The following SPOCK1 variants were observed in gnomAD, a reference collection of about 807,000 sequenced individuals.
The protein encoded by SPOCK1 is testican-1.
A neutral mutation model predicts 55.3 loss-of-function variants in SPOCK1; 23 were observed. That is an observed-to-expected ratio of 0.42 (90% CI 0.30 to 0.59). The LOEUF (loss-of-function observed/expected upper bound fraction) is 0.59. SPOCK1 is among the 20% of genes least tolerant of loss of function. SPOCK1 has a pLI of 0.22. For missense variants in SPOCK1, 499 were observed against 552.5 expected (o/e 0.90, Z 0.97); for synonymous variants, 226 against 221.0 (o/e 1.02, Z -0.20).
chr5:137,432,897 G>C (rs1370522451), intron 2 of SPOCK1, among the ~76,000 whole-genome samples: 5 of 151,964 alleles, frequency 3.3e-5, no homozygotes, highest in Non-Finnish European at 7.4e-5. Flanking sequence ...TACAACCCTG[G>C]GTCAAATGCT....
At chr5:136,983,044 G>A (rs557064090) in intron 9 of SPOCK1, among the ~76,000 whole-genome samples, 3 of 152,286 alleles carry the variant, frequency 2.0e-5, no homozygotes, top group Non-Finnish European at 2.9e-5. Flanking sequence ...TTTCTTGATA[G>A]TGTGCATCTT....
At chr5:136,983,222 C>G (rs1750767240) in intron 9 of SPOCK1, among the ~76,000 whole-genome samples, 1 of 152,126 alleles carries the variant, frequency 6.6e-6, no homozygotes. Context: ...TTTAGTGGAA[C>G]AATCCCAGAA....
chr5:137,472,530 TG>T (rs746441088), intron 2 of SPOCK1, among the ~76,000 whole-genome samples: 2 of 152,148 alleles, frequency 1.3e-5, no homozygotes, highest in Non-Finnish European at 2.9e-5. Flanking sequence ...GGGCAACCCA[TG>T]GAAGGGGAGT....
intron 3 of SPOCK1, among the ~76,000 whole-genome samples, chr5:137,179,106 CA>C (rs1157832790): frequency 6.6e-6 from 1 of 152,076 alleles, no homozygotes; most frequent in African/African-American, 2.4e-5. Flanking sequence ...CCTCCGACAT[CA>C]AAAACAAGTT....
intron 2 of SPOCK1, among the ~76,000 whole-genome samples, chr5:137,379,194 C>T (rs1185910706): frequency 6.6e-6 from 1 of 151,800 alleles, no homozygotes; most frequent in African/African-American, 2.4e-5. Context: ...CTGCCCCCAC[C>T]CCACAATCCC....
chr5:137,139,799 C>T (rs559713499), intron 4 of SPOCK1, among the ~76,000 whole-genome samples: 1 of 152,250 alleles, frequency 6.6e-6, no homozygotes, highest in East Asian at 1.9e-4. Context: ...TGACTCCCTT[C>T]TTAAAGAAAG....
At chr5:137,440,148 C>A (rs1485812627) in intron 2 of SPOCK1, among the ~76,000 whole-genome samples, 5 of 151,540 alleles carry the variant, frequency 3.3e-5, no homozygotes, top group Admixed American at 1.3e-4. Context: ...TGATAGTAAC[C>A]ATGAAATAGT....
chr5:137,008,636 G>T (rs113280540), intron 6 of SPOCK1, among the ~76,000 whole-genome samples: 245 of 152,246 alleles, frequency 1.6e-3, no homozygotes, highest in African/African-American at 5.6e-3. Flanking sequence ...GAAGGCAAAT[G>T]CTACATACCC....
chr5:137,164,768 G>A lies in SPOCK1; in HGVS notation c.233-24074C>T, dbSNP rs1044832368. ...CCTTAGGCCTTAAGGGAACATCAAC[G>A]GTAGCCTGGCAGTACTCCCTGTGAG... is the stretch of plus-strand genomic sequence containing the variant. On this transcript the variant is annotated intron_variant, in intron 3 of 10. Transcript: ENST00000394945. Among the ~76,000 whole-genome samples, 6 of 152,274 alleles carry A rather than the reference G, an allele frequency of 3.9e-5. No individual in the cohort carries two copies. The South Asian group carries it at 6.2e-4, about 16-fold the overall frequency.
At chr5:137,221,502 TC>T (rs1755845718) in intron 3 of SPOCK1, among the ~76,000 whole-genome samples, 1 of 152,168 alleles carries the variant, frequency 6.6e-6, no homozygotes, top group Non-Finnish European at 1.5e-5. Flanking sequence ...TTGCCTCATC[TC>T]CGGGTGTCGA....
At chr5:137,082,062 T>G (rs1435846623) in intron 5 of SPOCK1, among the ~76,000 whole-genome samples, 1 of 152,256 alleles carries the variant, frequency 6.6e-6, no homozygotes, top group Non-Finnish European at 1.5e-5. Flanking sequence ...GTGACCATTC[T>G]GCCCTGCGAG....
At position 137,267,432 on chromosome 5, in the gene SPOCK1, G is replaced by T. The variant is rs146864699; in HGVS notation, c.187-377C>A. Among the ~76,000 whole-genome samples the T allele has an allele frequency of 1.0e-3, 153 of 152,292 alleles. 4 individuals carry two copies. The East Asian group carries it at 0.025, about 25-fold the overall frequency. On this transcript the variant is annotated intron_variant, in intron 2 of 10. Transcript: ENST00000394945. ...TGATTAAGCCTCTGTGTTTGTAACA[G>T]CTGATAATTCAACTGTCAACATTTC... is the stretch of plus-strand genomic sequence containing the variant.
chr5:137,313,008 T>C (rs1053841111), intron 2 of SPOCK1, among the ~76,000 whole-genome samples: 1 of 151,576 alleles, frequency 6.6e-6, no homozygotes, highest in Non-Finnish European at 1.5e-5. Flanking sequence ...CAACCAGGAG[T>C]ATCCTGGGTT....
intron 6 of SPOCK1, among the ~76,000 whole-genome samples, chr5:137,013,831 T>C (rs1751398981): frequency 6.6e-6 from 1 of 152,192 alleles, no homozygotes; most frequent in Non-Finnish European, 1.5e-5. Flanking sequence ...ACTGCTAATA[T>C]TGCTAAGAGT....
intron 2 of SPOCK1, among the ~76,000 whole-genome samples, chr5:137,492,527 G>C (rs1276026922): frequency 6.6e-6 from 1 of 152,194 alleles, no homozygotes; most frequent in Non-Finnish European, 1.5e-5. Flanking sequence ...ATACAAGCGA[G>C]TATGTTTTCT....
intron 2 of SPOCK1, among the ~76,000 whole-genome samples, chr5:137,336,928 G>C (rs1235689500): frequency 1.3e-5 from 2 of 152,172 alleles, no homozygotes; most frequent in South Asian, 4.1e-4. Context: ...CCAGGCTGGA[G>C]ACCCAGCAGA....
chr5:137,066,963 T>TACACACACACACACACACACACACAC (rs147918575), intron 6 of SPOCK1, among the ~76,000 whole-genome samples: 60 of 126,264 alleles, frequency 4.8e-4, no homozygotes, highest in African/African-American at 1.7e-3. Flanking sequence ...AACATAAGCA[T>TACACACACACACACACACACACACAC]ACACACACAC....
At chr5:137,006,558 A>G (rs1751253646) in intron 6 of SPOCK1, among the ~76,000 whole-genome samples, 1 of 152,156 alleles carries the variant, frequency 6.6e-6, no homozygotes, top group South Asian at 2.1e-4. Flanking sequence ...GTATCCTGAG[A>G]CTTTGCTGAA....
At chr5:137,365,267 A>C (rs1751033732) in intron 2 of SPOCK1, 1 of 152,264 alleles carries the variant, frequency 6.6e-6, no homozygotes, top group Non-Finnish European at 1.5e-5. Context: ...CTGTCCATCC[A>C]CACGGGAATC....
Sources: gnomAD v4.1 joint callset for allele counts (sites outside exome capture counted in the v4.1 genomes callset) on GRCh38, gnomAD v4.1.1 for gene constraint, MANE v1.5 for transcripts, NCBI Gene and HGNC (gene_info 2026-07-23, HGNC 2026-07-21) for gene names.